RELN: variants seen among roughly 807,000 people sequenced by gnomAD.
The protein encoded by RELN is reelin.
A neutral mutation model predicts 427.6 loss-of-function variants in RELN; 108 were observed. The ratio of observed to expected loss-of-function variants is 0.25; its 90% CI spans 0.22 to 0.30. RELN has a LOEUF of 0.30. Among genes scored for constraint, RELN ranks in the 10% least tolerant of loss-of-function variants. The pLI, the probability that RELN is intolerant of heterozygous loss-of-function variation, is 1.00. For synonymous variants in RELN, 1,524 were observed against 1,513.4 expected, an observed-to-expected ratio of 1.01 and a Z score of -0.16; for missense variants, 3,715 against 4,302.8, an observed-to-expected ratio of 0.86 and a Z score of 3.82.
At chr7:103,479,685 C>T (rs562116342) in intron 63 of RELN, among the ~76,000 whole-genome samples, 1 of 152,266 alleles carries the variant, frequency 6.6e-6, no homozygotes, top group South Asian at 2.1e-4. Flanking sequence ...AATCCTTCCA[C>T]ATGTATTTTA....
intron 6 of RELN, among the ~76,000 whole-genome samples, chr7:103,741,738 G>A (rs1348599528): frequency 1.3e-5 from 2 of 151,974 alleles, no homozygotes; most frequent in Admixed American, 1.3e-4. Flanking sequence ...TGGGTATTGA[G>A]CACCTAGAAT....
intron 8 of RELN, among the ~76,000 whole-genome samples, chr7:103,712,745 T>C (rs985775963): frequency 6.6e-6 from 1 of 152,220 alleles, no homozygotes; most frequent in Non-Finnish European, 1.5e-5. Flanking sequence ...GATATCTCCA[T>C]GTTTTTTGTA....
intron 22 of RELN, 77 bp from the exon 23 acceptor site, chr7:103,604,560 A>G (rs1288355530): frequency 1.3e-6 from 2 of 1,489,906 alleles, no homozygotes; most frequent in South Asian, 1.1e-5. Flanking sequence ...TCAGAGTCCA[A>G]AATCTTTCAG....
chr7:103,560,083 A>G (rs193033042), intron 36 of RELN, among the ~76,000 whole-genome samples: 1 of 152,298 alleles, frequency 6.6e-6, no homozygotes, highest in East Asian at 1.9e-4. Context: ...TTAGCATTTT[A>G]TATTGATATT....
At chr7:103,644,818 T>A (rs1442850023) in intron 16 of RELN, among the ~76,000 whole-genome samples, 2 of 151,728 alleles carry the variant, frequency 1.3e-5, no homozygotes, top group Admixed American at 1.3e-4. Flanking sequence ...GTCACCAAGT[T>A]ATATAGTCAT....
At chr7:103,652,856 C>G (rs892573194) in intron 13 of RELN, 97 bp from the exon 14 acceptor site, 23 of 1,057,100 alleles carry the variant, frequency 2.2e-5, no homozygotes, top group Non-Finnish European at 3.1e-5. Context: ...ATGTACATAA[C>G]TGCCATTTAT....
chr7:103,938,481 A>C (rs909008733), intron 1 of RELN, among the ~76,000 whole-genome samples: 14 of 152,170 alleles, frequency 9.2e-5, no homozygotes, highest in Non-Finnish European at 1.6e-4. Context: ...TTTTACTTAT[A>C]ATCCTTAAAT....
At chr7:103,488,821 A>G (rs1162055366) in intron 60 of RELN, among the ~76,000 whole-genome samples, 1 of 152,198 alleles carries the variant, frequency 6.6e-6, no homozygotes, top group Non-Finnish European at 1.5e-5. Context: ...GCATGGGAAT[A>G]ATTATATTAA....
intron 41 of RELN, among the ~76,000 whole-genome samples, chr7:103,548,087 A>C: frequency 6.6e-6 from 1 of 152,224 alleles, no homozygotes; most frequent in East Asian, 1.9e-4. Context: ...TGGTTGACTC[A>C]TTATGAAACT....
rs765511963 is a variant in RELN, at chr7:103,553,475, T to C, written c.6058A>G (p.Ile2020Val). ...AAGTCAAGTACCTCAAATTGTATGATGGTGTTCTCATTCACATTTAGGTCA... is the reference window on the plus strand; with the variant it reads ...AAGTCAAGTACCTCAAATTGTATGACGGTGTTCTCATTCACATTTAGGTCA... Reference protein sequence around the residue: ...TRDLNVNENTIIQFEINVGCS... With the variant: ...TRDLNVNENTVIQFEINVGCS... The change falls in exon 40 of 65, where the codon ATC becomes GTC. Residue 2020 changes from isoleucine (I) to valine (V), a missense_variant. This residue lies in a region of RELN where 1,310 missense variants were observed against 1,643.0 expected (regional missense o/e 0.80). Transcript: ENST00000428762. 6.2e-6 allele frequency: 10 copies of C among 1,611,888 alleles called. No individual in the cohort carries two copies. The East Asian group carries it at 2.0e-4, about 32-fold the overall frequency.
intron 19 of RELN, among the ~76,000 whole-genome samples, chr7:103,632,572 C>T (rs79137194): frequency 0.036 from 5,461 of 152,156 alleles, 159 homozygotes; most frequent in East Asian, 0.14. Context: ...GAGTTCCTAA[C>T]GATTTCACCA....
chr7:103,785,257 T>C (rs1436730789), intron 3 of RELN, among the ~76,000 whole-genome samples: 1 of 152,170 alleles, frequency 6.6e-6, no homozygotes, highest in African/African-American at 2.4e-5. Flanking sequence ...TCTGCTGTTT[T>C]AAACACCTTT....
At chr7:103,639,678 C>G (rs1029886094) in intron 17 of RELN, among the ~76,000 whole-genome samples, 1 of 152,078 alleles carries the variant, frequency 6.6e-6, no homozygotes, top group African/African-American at 2.4e-5. Context: ...GAATTACAGG[C>G]ATGAGCCACC....
intron 50 of RELN, 108 bp downstream of exon 50, chr7:103,515,077 A>G: frequency 1.5e-6 from 2 of 1,375,936 alleles, no homozygotes; most frequent in South Asian, 1.2e-5. Context: ...GCGTTTCTAC[A>G]CCACTGGAAC....
At chr7:103,773,881 T>G (rs1185701330) in intron 4 of RELN, among the ~76,000 whole-genome samples, 2 of 152,192 alleles carry the variant, frequency 1.3e-5, no homozygotes, top group Non-Finnish European at 2.9e-5. Context: ...AGACCCGTCA[T>G]TTGTATCTTA....
At chr7:103,601,064 T>C (rs1831655438) in intron 24 of RELN, among the ~76,000 whole-genome samples, 1 of 152,174 alleles carries the variant, frequency 6.6e-6, no homozygotes, top group South Asian at 2.1e-4. Flanking sequence ...TCAGAGATCA[T>C]CTTGAATTAA....
At position 103,721,585 on chromosome 7, in the gene RELN, C is replaced by G. The variant is rs150015154; in HGVS notation, c.805+1555G>C. Among the ~76,000 whole-genome samples the G allele has an allele frequency of 8.0e-4, 122 of 152,164 alleles. No homozygotes were observed. The South Asian group carries it at 0.013, about 16-fold the overall frequency. On this transcript the variant is annotated intron_variant, in intron 8 of 64. Transcript: ENST00000428762. ...GCCATATTAGCAGTATACTATTCAC[C>G]AAAATAGTAATTTTTCCCTGTAATA...
At chr7:103,918,020 T>C (rs1365714311) in intron 1 of RELN, among the ~76,000 whole-genome samples, 2 of 152,120 alleles carry the variant, frequency 1.3e-5, no homozygotes, top group South Asian at 2.1e-4. Context: ...ATTTAGGTAG[T>C]GCACAGTACA....
intron 3 of RELN, among the ~76,000 whole-genome samples, chr7:103,806,295 G>A (rs987987192): frequency 3.9e-5 from 6 of 152,000 alleles, no homozygotes; most frequent in African/African-American, 1.2e-4. Context: ...TGCTATTGAG[G>A]GGGAATGGAA....
Sources: gnomAD v4.1 joint callset for allele counts (sites outside exome capture counted in the v4.1 genomes callset) on GRCh38, gnomAD v4.1.1 for gene constraint, gnomAD v4.1.1 regional missense constraint, MANE v1.5 for transcripts, NCBI Gene and HGNC (gene_info 2026-07-23, HGNC 2026-07-21) for gene names.